Variants in GRID2 observed in about 807,000 individuals in gnomAD.
GRID2 encodes glutamate receptor ionotropic, delta-2.
Under a neutral mutation model 114.8 loss-of-function variants are expected in GRID2, and 33 were observed. That is an observed-to-expected ratio of 0.29 (90% confidence interval 0.22 to 0.38). The LOEUF (loss-of-function observed/expected upper bound fraction) is 0.38, where lower values mean the gene tolerates loss of function less well. GRID2 is among the 10% of genes least tolerant of loss of function. The probability of loss-of-function intolerance (pLI) is 1.00; values close to 1 mark genes in which losing one functional copy is unlikely to be tolerated. For missense variants in GRID2, 1,184 were observed against 1,257.7 expected (o/e 0.94, Z 0.89); for synonymous variants, 505 against 449.9 (o/e 1.12, Z -1.55).
At chr4:92,456,244 T>C in intron 1 of GRID2, among the ~76,000 whole-genome samples, 1 of 152,132 alleles carries the variant, frequency 6.6e-6, no homozygotes, top group South Asian at 2.1e-4. Flanking sequence ...ATAAGAGGCT[T>C]ATATGAACTA....
intron 2 of GRID2, among the ~76,000 whole-genome samples, chr4:92,656,331 T>G (rs911726858): frequency 3.3e-5 from 5 of 151,734 alleles, no homozygotes; most frequent in Non-Finnish European, 5.9e-5. Context: ...CCAGATAGTG[T>G]TTGAAATTGC....
chr4:93,079,289 C>T (rs896660517), intron 2 of GRID2, among the ~76,000 whole-genome samples: 1 of 151,896 alleles, frequency 6.6e-6, no homozygotes, highest in South Asian at 2.1e-4. Flanking sequence ...TTTATAAACA[C>T]ATGGAGCTGA....
intron 2 of GRID2, among the ~76,000 whole-genome samples, chr4:93,075,038 A>G (rs1729134190): frequency 1.3e-5 from 2 of 152,214 alleles, no homozygotes; most frequent in Admixed American, 1.3e-4. Flanking sequence ...CAGACTTTTC[A>G]GGAAAAATGA....
chr4:93,398,157 T>A lies in GRID2; in HGVS notation c.1347+2449T>A, dbSNP rs1440662086. ...TGTATATATATATATATATATCTTA[T>A]CATTAAGGGAAGGGGTTAAGGTCTA... is the stretch of plus-strand genomic sequence containing the variant. On this transcript the variant is annotated intron_variant, in intron 9 of 15. Coordinates refer to ENST00000282020, the MANE Select transcript of GRID2 (RefSeq NM_001510.4). 9.3e-5 allele frequency among the ~76,000 whole-genome samples: 11 copies of A among 117,876 alleles called. 1 individual carries two copies. Among genetic ancestry groups the A allele is most frequent in the African/African-American group, 5.2e-4 (11 of 21,038 alleles). The allele number at this position is 117,876 out of a possible 152,430, so 77.3% of individuals were successfully genotyped here.
Position 93,637,494 on chromosome 4 carries a change from G to C in GRID2, c.2360+11059G>C, listed in dbSNP as rs550760986. Among the ~76,000 whole-genome samples the C allele has an allele frequency of 2.0e-5, 3 of 152,234 alleles. No individual in the cohort carries two copies. In the East Asian group the frequency reaches 5.8e-4, roughly 29 times the overall value. ...ACCAGTGCTGGAAAAGGATAATAAG[G>C]ATCTAAATTGTCTTCATGACTGCCG... On this transcript the variant is annotated intron_variant, in intron 14 of 15. Transcript: ENST00000282020.
At chr4:92,804,257 T>C (rs1271871465) in intron 2 of GRID2, among the ~76,000 whole-genome samples, 1 of 152,022 alleles carries the variant, frequency 6.6e-6, no homozygotes, top group Non-Finnish European at 1.5e-5. Flanking sequence ...AGTAATTAAA[T>C]CATATGGAAA....
At chr4:92,861,329 T>G (rs1378104449) in intron 2 of GRID2, among the ~76,000 whole-genome samples, 1 of 152,090 alleles carries the variant, frequency 6.6e-6, no homozygotes, top group Non-Finnish European at 1.5e-5. Flanking sequence ...CTGCACCATA[T>G]TATATAACCT....
At chr4:93,364,548 C>T (rs1452327698) in intron 8 of GRID2, among the ~76,000 whole-genome samples, 1 of 151,952 alleles carries the variant, frequency 6.6e-6, no homozygotes, top group Non-Finnish European at 1.5e-5. Context: ...CATAGCTCAC[C>T]GTAACGTTCA....
intron 2 of GRID2, among the ~76,000 whole-genome samples, chr4:92,853,291 C>T (rs1327195027): frequency 2.0e-5 from 3 of 151,918 alleles, no homozygotes; most frequent in Non-Finnish European, 2.9e-5. Context: ...TTGATTAAGA[C>T]AATGAAACTC....
At chr4:93,764,995 A>G (rs961904575) in intron 14 of GRID2, among the ~76,000 whole-genome samples, 1 of 152,154 alleles carries the variant, frequency 6.6e-6, no homozygotes, top group Admixed American at 6.6e-5. Context: ...ATTACAAGGT[A>G]CAATTCTTTA....
intron 2 of GRID2, among the ~76,000 whole-genome samples, chr4:93,042,657 T>C (rs546634548): frequency 2.8e-5 from 4 of 144,102 alleles, no homozygotes; most frequent in South Asian, 4.4e-4. Flanking sequence ...ATCTCTATAT[T>C]TCTATCTCTC....
chr4:93,430,904 A>G (rs1769348767), intron 10 of GRID2, among the ~76,000 whole-genome samples: 1 of 152,216 alleles, frequency 6.6e-6, no homozygotes, highest in Admixed American at 6.5e-5. Context: ...ACACAAGAGT[A>G]GAAGTAAAGG....
intron 13 of GRID2, among the ~76,000 whole-genome samples, chr4:93,517,990 TACATAC>T (rs1729944081): frequency 5.8e-5 from 1 of 17,316 alleles, no homozygotes; most frequent in Admixed American, 3.5e-4. Flanking sequence ...TGTATGTATA[TACATAC>T]ATGTATATGT....
intron 1 of GRID2, among the ~76,000 whole-genome samples, chr4:92,411,999 C>G (rs1331350164): frequency 6.6e-6 from 1 of 152,038 alleles, no homozygotes; most frequent in Admixed American, 6.6e-5. Flanking sequence ...GAGTGTATTT[C>G]TTCTTTTTCT....
intron 2 of GRID2, among the ~76,000 whole-genome samples, chr4:92,976,915 G>A (rs533526204): frequency 5.9e-5 from 9 of 152,092 alleles, no homozygotes; most frequent in African/African-American, 9.6e-5. Flanking sequence ...CCCATGTTAC[G>A]ACACTTACTT....
At chr4:92,905,985 T>C (rs1747923114) in intron 2 of GRID2, among the ~76,000 whole-genome samples, 2 of 152,174 alleles carry the variant, frequency 1.3e-5, no homozygotes, top group Non-Finnish European at 2.9e-5. Context: ...GTTTTATCAA[T>C]CACAAATGGG....
At chr4:92,867,278 A>G (rs1744935760) in intron 2 of GRID2, among the ~76,000 whole-genome samples, 1 of 152,162 alleles carries the variant, frequency 6.6e-6, no homozygotes, top group Admixed American at 6.5e-5. Context: ...GTTTATTAGC[A>G]CAAAGTCACT....
intron 1 of GRID2, among the ~76,000 whole-genome samples, chr4:92,499,721 T>TC (rs764108395): frequency 1.2e-4 from 18 of 152,152 alleles, no homozygotes; most frequent in Non-Finnish European, 2.5e-4. Context: ...TTCATGCGAT[T>TC]CTCCTGCCTC....
intron 6 of GRID2, among the ~76,000 whole-genome samples, chr4:93,222,105 A>T (rs1744946296): frequency 1.3e-5 from 2 of 152,200 alleles, no homozygotes; most frequent in African/African-American, 4.8e-5. Context: ...TCAAAACCCA[A>T]ATATGTGCGA....
Sources: allele counts gnomAD v4.1 joint callset (sites outside exome capture counted in the v4.1 genomes callset), GRCh38; gene constraint gnomAD v4.1.1; transcripts MANE v1.5; gene names NCBI Gene and HGNC (gene_info 2026-07-23, HGNC 2026-07-21).